PDE10A: variants seen among roughly 807,000 people sequenced by gnomAD.
PDE10A encodes the protein phosphodiesterase 10A, also known as cAMP and cAMP-inhibited cGMP 3',5'-cyclic phosphodiesterase 10A.
Under a neutral mutation model 97.7 loss-of-function variants are expected in PDE10A, and 39 were observed. The ratio of observed to expected loss-of-function variants is 0.40; its 90% CI spans 0.31 to 0.52. PDE10A has a LOEUF of 0.52. PDE10A is among the 20% of genes least tolerant of loss of function. The pLI, the probability that PDE10A is intolerant of heterozygous loss-of-function variation, is 0.56. For missense variants in PDE10A, 731 were observed against 1,047.8 expected (o/e 0.70, Z 4.17); for synonymous variants, 371 against 376.8 (o/e 0.98, Z 0.18).
chr6:165,605,395 A>AT (rs1395148160), intron 1 of PDE10A, among the ~76,000 whole-genome samples: 2 of 152,122 alleles, frequency 1.3e-5, no homozygotes, highest in African/African-American at 2.4e-5. Flanking sequence ...TTCTCCCACC[A>AT]TTTCTCCAAC....
intron 1 of PDE10A, among the ~76,000 whole-genome samples, chr6:165,734,979 TA>T: frequency 6.6e-6 from 1 of 151,672 alleles, no homozygotes; most frequent in Non-Finnish European, 1.5e-5. Flanking sequence ...GATAGATAGA[TA>T]GATAGATAGA....
At chr6:165,422,342 CACATATGCATACACACAT>C (rs1218307149) in intron 10 of PDE10A, among the ~76,000 whole-genome samples, 6 of 113,942 alleles carry the variant, frequency 5.3e-5, no homozygotes, top group African/African-American at 2.5e-4. Flanking sequence ...CATACACACA[CACATATGCATACACACAT>C]ACGCATATAC....
At chr6:165,839,459 C>A (rs767139895) in intron 1 of PDE10A, among the ~76,000 whole-genome samples, 2 of 152,064 alleles carry the variant, frequency 1.3e-5, no homozygotes, top group African/African-American at 4.8e-5. Context: ...TTTCCCAATT[C>A]TATTCCCAAT....
intron 1 of PDE10A, chr6:165,894,121 G>C (rs1781876506): frequency 2.8e-6 from 1 of 357,342 alleles, no homozygotes. Context: ...AGTGCTCTAA[G>C]AATAAAATAT....
At position 165,854,836 on chromosome 6, in the gene PDE10A, G is replaced by C. The variant is rs868674364; in HGVS notation, c.-615+132693C>G. ...CAGGGCGGCCCGTGGCCTTGGCGGC[G>C]CCCACTCCTGGCGGGGCTGGGTCAG... On this transcript the variant is annotated intron_variant, in intron 1 of 19. Transcript: ENST00000366882. 4.7e-4 allele frequency among the ~76,000 whole-genome samples: 72 copies of C among 152,304 alleles called. 1 individual carries two copies. Among genetic ancestry groups the C allele is most frequent in the African/African-American group, 1.7e-3 (72 of 41,580 alleles).
At chr6:165,485,144 G>T (rs1779826251) in intron 2 of PDE10A, among the ~76,000 whole-genome samples, 1 of 152,132 alleles carries the variant, frequency 6.6e-6, no homozygotes, top group East Asian at 1.9e-4. Context: ...CTTCAAAACT[G>T]CATTACCACA....
chr6:165,377,357 T>C (rs1784669482), intron 18 of PDE10A, among the ~76,000 whole-genome samples: 1 of 151,906 alleles, frequency 6.6e-6, no homozygotes, highest in Non-Finnish European at 1.5e-5. Context: ...TGCAGAAAAA[T>C]AGAATATTAC....
At chr6:165,792,418 CG>C (rs79171473) in intron 1 of PDE10A, among the ~76,000 whole-genome samples, 5,742 of 152,248 alleles carry the variant, frequency 0.038, 129 homozygotes, top group African/African-American at 0.063. Flanking sequence ...CCAGAGGGCC[CG>C]GGGTAGCCAA....
At chr6:165,639,955 G>A (rs936509249) in intron 1 of PDE10A, among the ~76,000 whole-genome samples, 30 of 151,506 alleles carry the variant, frequency 2.0e-4, no homozygotes, top group African/African-American at 6.5e-4. Flanking sequence ...CTGTGGTCCC[G>A]ACGACTCAGG....
rs112669910 is a variant in PDE10A at position 165,425,770 on chromosome 6, C to CATATGTGTGT, written c.1653+2887_1653+2888insACACACATAT. 8.4e-3 allele frequency among the ~76,000 whole-genome samples: 1,215 copies of CATATGTGTGT among 144,066 alleles called. 12 individuals carry two copies. The highest frequency in any genetic ancestry group is 0.022 in the African/African-American group (827 of 38,218). The allele number at this position is 144,066 out of a possible 152,430, so 94.5% of individuals were successfully genotyped here. On this transcript the variant is annotated intron_variant, in intron 10 of 21. Coordinates refer to ENST00000539869, the MANE Select transcript of PDE10A (RefSeq NM_001385079.1). Reference sequence around the variant, plus strand: ...TGTCTCTAATTATAGAAGGCATGATCGTGTGTGTGTGTGTGTGTGTGTGTG... The same window carrying CATATGTGTGT: ...TGTCTCTAATTATAGAAGGCATGATCATATGTGTGTGTGTGTGTGTGTGTGTGTGTGTGTG...
At chr6:165,764,284 C>T (rs1793322126) in intron 1 of PDE10A, among the ~76,000 whole-genome samples, 1 of 152,190 alleles carries the variant, frequency 6.6e-6, no homozygotes, top group Non-Finnish European at 1.5e-5. Context: ...TAGTGCTTTC[C>T]TCATATGCAC....
chr6:165,930,417 C>T (rs1471145627), intron 1 of PDE10A, among the ~76,000 whole-genome samples: 6 of 152,120 alleles, frequency 3.9e-5, no homozygotes, highest in African/African-American at 7.2e-5. Flanking sequence ...CCTTTGCATG[C>T]GTTCTTTGGG....
intron 17 of PDE10A, among the ~76,000 whole-genome samples, chr6:165,380,106 A>G (rs779600391): frequency 6.6e-6 from 1 of 152,160 alleles, no homozygotes; most frequent in South Asian, 2.1e-4. Context: ...AAACTTTATA[A>G]TAATTTATTC....
chr6:165,464,745 G>C (rs1025592872), intron 3 of PDE10A, among the ~76,000 whole-genome samples: 1 of 152,128 alleles, frequency 6.6e-6, no homozygotes, highest in African/African-American at 2.4e-5. Context: ...ATTTGTAAAT[G>C]GAATCATACA....
At chr6:165,455,517 G>A (rs923949819) in intron 3 of PDE10A, among the ~76,000 whole-genome samples, 1 of 152,136 alleles carries the variant, frequency 6.6e-6, no homozygotes, top group African/African-American at 2.4e-5. Flanking sequence ...GACCAAAAGC[G>A]GCAAAATAGA....
intron 2 of PDE10A, among the ~76,000 whole-genome samples, chr6:165,495,968 G>T (rs1780512319): frequency 6.6e-6 from 1 of 152,068 alleles, no homozygotes; most frequent in South Asian, 2.1e-4. Flanking sequence ...CAGCGAGTTG[G>T]AAATGCTTGG....
chr6:165,636,142 G>T (rs1788863568), intron 1 of PDE10A, among the ~76,000 whole-genome samples: 1 of 152,086 alleles, frequency 6.6e-6, no homozygotes, highest in Non-Finnish European at 1.5e-5. Context: ...GTTTGCCTAG[G>T]ACATATGATG....
Position 165,500,915 on chromosome 6 carries a change from T to TGTGTAC in PDE10A, c.995-18578_995-18573dup, listed in dbSNP as rs1201261514. The stretch of plus-strand genomic sequence containing the variant: ...TACGGCACCCAGATGTTTGGATGTT[T>TGTGTAC]GTGTACGTGCACATCAAGGCACAGC... On this transcript the variant is annotated intron_variant, in intron 2 of 21. Transcript: ENST00000539869. 3.9e-5 allele frequency among the ~76,000 whole-genome samples: 6 copies of TGTGTAC among 152,148 alleles called. No homozygotes were observed. The East Asian group carries it at 1.2e-3, about 29-fold the overall frequency.
chr6:165,404,466 G>C (rs1263479377), intron 13 of PDE10A, among the ~76,000 whole-genome samples: 1 of 152,010 alleles, frequency 6.6e-6, no homozygotes, highest in Admixed American at 6.6e-5. Context: ...AATCAAGCCT[G>C]AACCATATGT....
Sources: allele counts gnomAD v4.1 joint callset (sites outside exome capture counted in the v4.1 genomes callset), GRCh38; gene constraint gnomAD v4.1.1; transcripts MANE v1.5; gene names NCBI Gene and HGNC (gene_info 2026-07-23, HGNC 2026-07-21).